IL18: variants seen among roughly 807,000 people sequenced by gnomAD.
IL18 encodes the protein interleukin 18, also known as interleukin-18.
IL18 carries 8 observed loss-of-function variants against 14.2 expected under a neutral mutation model. That is an observed-to-expected ratio of 0.56 (90% CI 0.33 to 1.01). IL18 has a LOEUF of 1.01. Among genes scored for constraint, IL18 ranks in the 50% least tolerant of loss-of-function variants. The pLI is 0.03. For missense variants in IL18, 166 were observed against 231.1 expected, an observed-to-expected ratio of 0.72 and a Z score of 1.83; for synonymous variants, 67 against 71.0, an observed-to-expected ratio of 0.94 and a Z score of 0.28.
intron 4 of IL18, among the ~76,000 whole-genome samples, chr11:112,149,140 A>C (rs796613876): frequency 3.9e-5 from 6 of 152,074 alleles, no homozygotes; most frequent in African/African-American, 1.4e-4. Flanking sequence ...AAAATACAAA[A>C]ATTAGCCGGG....
chr11:112,158,011 C>G (rs561013838), intron 1 of IL18, among the ~76,000 whole-genome samples: 13 of 152,294 alleles, frequency 8.5e-5, no homozygotes, highest in Admixed American at 2.0e-4. Flanking sequence ...CATGCACCAC[C>G]ACGCCCGGCT....
intron 4 of IL18, 135 bp from the exon 5 acceptor site, chr11:112,148,871 T>G: frequency 4.4e-6 from 2 of 458,192 alleles, no homozygotes; most frequent in Non-Finnish European, 7.5e-6. Flanking sequence ...CAGGAGACTA[T>G]GTACAGCTGG....
intron 3 of IL18, among the ~76,000 whole-genome samples, chr11:112,152,006 C>A (rs553460143): frequency 6.6e-6 from 1 of 152,316 alleles, no homozygotes; most frequent in Admixed American, 6.5e-5. Context: ...AATGCCATTT[C>A]TATGCATAAG....
chr11:112,144,788 G>C (rs1484182401), intron 5 of IL18, among the ~76,000 whole-genome samples: 2 of 152,186 alleles, frequency 1.3e-5, no homozygotes. Flanking sequence ...CCTGAATATG[G>C]TCTCCTTGGC....
intron 1 of IL18, among the ~76,000 whole-genome samples, chr11:112,161,390 A>T (rs1396557332): frequency 6.6e-6 from 1 of 152,246 alleles, no homozygotes; most frequent in Non-Finnish European, 1.5e-5. Context: ...GTAAGGAGAG[A>T]ACCATTGATA....
At position 112,158,521 on chromosome 11, in the gene IL18, G is replaced by GTTTTT. The variant is rs71060226; in HGVS notation, c.-8-3465_-8-3461dup. Among the ~76,000 whole-genome samples the GTTTTT allele has an allele frequency of 1.9e-5, 2 of 104,984 alleles. 1 individual carries two copies. Among genetic ancestry groups the GTTTTT allele is most frequent in the Non-Finnish European group, 3.7e-5 (2 of 54,378 alleles). The allele number at this position is 104,984 out of a possible 152,430, so 68.9% of individuals were successfully genotyped here. ...CTTGGTTTCAACATATTTATTTGGAGTTTTTTTTTTTTTGCACAGCAGTAA... is the reference window on the plus strand; with the variant it reads ...CTTGGTTTCAACATATTTATTTGGAGTTTTTTTTTTTTTTTTTTGCACAGCAGTAA... On this transcript the variant is annotated intron_variant, in intron 1 of 5. Transcript: ENST00000280357.
chr11:112,161,421 C>T (rs1866629903), intron 1 of IL18, among the ~76,000 whole-genome samples: 1 of 152,164 alleles, frequency 6.6e-6, no homozygotes, highest in Admixed American at 6.6e-5. Context: ...GGCCTAGTAA[C>T]CACTTCTTCA....
In IL18 at chr11:112,143,436, A is replaced by T; in HGVS notation, c.*160T>A. On this transcript the variant is annotated 3_prime_UTR_variant, in exon 6 of 6. Transcript: ENST00000280357. ...GCTGGGATTGAGGGCATGCGTCACT[A>T]CACTCAGCTAATTTTTTGTATTTTT... 1 of 556,370 alleles carries T rather than the reference A, an allele frequency of 1.8e-6. No homozygotes were observed. 34.5% of individuals were successfully genotyped at this position (556,370 alleles called of 1,614,324 possible). A position where few individuals can be genotyped will look rare whatever the true frequency, so the allele number is the denominator to read the frequency against.
chr11:112,157,636 G>C (rs1411133145), intron 1 of IL18, among the ~76,000 whole-genome samples: 2 of 152,156 alleles, frequency 1.3e-5, no homozygotes, highest in Admixed American at 1.3e-4. Flanking sequence ...CACAGAAAGT[G>C]ATGACTGTGC....
intron 1 of IL18, among the ~76,000 whole-genome samples, chr11:112,160,998 CTCTAA>C (rs1315516704): frequency 1.3e-5 from 2 of 152,060 alleles, no homozygotes; most frequent in Non-Finnish European, 2.9e-5. Context: ...TTTGCTTTAA[CTCTAA>C]TCTATGAAAA....
chr11:112,155,098 G>T, intron 1 of IL18, 37 bp from the exon 2 acceptor site: 1 of 1,329,764 alleles, frequency 7.5e-7, no homozygotes, highest in Non-Finnish European at 1.1e-6. Flanking sequence ...AAGAGACAAT[G>T]ATTGTACCTT....
intron 1 of IL18, among the ~76,000 whole-genome samples, chr11:112,156,827 A>G (rs1866542178): frequency 6.6e-6 from 1 of 151,362 alleles, no homozygotes; most frequent in Non-Finnish European, 1.5e-5. Context: ...ATATTTATCA[A>G]ACATTTAAAT....
intron 3 of IL18, chr11:112,150,693 C>G (rs1460192922): frequency 6.4e-6 from 1 of 155,350 alleles, no homozygotes. Flanking sequence ...TGCTGGTGAA[C>G]AATGGCACAA....
intron 1 of IL18, among the ~76,000 whole-genome samples, chr11:112,160,547 T>C (rs935631004): frequency 6.6e-6 from 1 of 152,158 alleles, no homozygotes; most frequent in Non-Finnish European, 1.5e-5. Context: ...TTTAAGACAA[T>C]GAGTTGTCTT....
At chr11:112,162,341 C>CTTTT (rs140882241) in intron 1 of IL18, among the ~76,000 whole-genome samples, 3 of 131,188 alleles carry the variant, frequency 2.3e-5, no homozygotes, top group Non-Finnish European at 1.6e-5. Flanking sequence ...CTTTTCTTTT[C>CTTTT]TTTTTTTTTT....
intron 4 of IL18, among the ~76,000 whole-genome samples, 193 bp from the exon 5 acceptor site, chr11:112,148,929 C>T (rs181711296): frequency 6.6e-6 from 1 of 152,230 alleles, no homozygotes; most frequent in East Asian, 1.9e-4. Context: ...GTGGCTCATG[C>T]CTGTAATCCC....
rs1866648117 is a variant in IL18 at position 112,162,414 on chromosome 11, G to T, written c.-9+1492C>A. Among the ~76,000 whole-genome samples, 3 of 151,136 alleles carry T rather than the reference G, an allele frequency of 2.0e-5. No individual in the cohort carries two copies. In the Admixed American group the frequency reaches 2.0e-4, roughly 10 times the overall value. ...GGAGTGCAGTGACACAGCAAACATGGCTCACTGTAGCCTTGACCTCCTGGG... is the reference window on the plus strand; with the variant it reads ...GGAGTGCAGTGACACAGCAAACATGTCTCACTGTAGCCTTGACCTCCTGGG... On this transcript the variant is annotated intron_variant, in intron 1 of 5. Coordinates refer to ENST00000280357, the MANE Select transcript of IL18 (RefSeq NM_001562.4).
chr11:112,146,927 C>CTTT (rs36051933), intron 5 of IL18, among the ~76,000 whole-genome samples: 7 of 125,350 alleles, frequency 5.6e-5, no homozygotes, highest in East Asian at 2.3e-4. Context: ...GGTAATTTTA[C>CTTT]TTTTTTTTTT....
intron 1 of IL18, among the ~76,000 whole-genome samples, chr11:112,158,982 A>G (rs960163364): frequency 6.6e-6 from 1 of 152,060 alleles, no homozygotes; most frequent in South Asian, 2.1e-4. Flanking sequence ...CTGAAAAAAA[A>G]AATACTGACT....
Sources: allele counts gnomAD v4.1 joint callset (sites outside exome capture counted in the v4.1 genomes callset), GRCh38; gene constraint gnomAD v4.1.1; transcripts MANE v1.5; gene names NCBI Gene and HGNC (gene_info 2026-07-23, HGNC 2026-07-21).